The following PTPN11 variants were observed in gnomAD, a reference collection of about 807,000 sequenced individuals.
PTPN11 encodes tyrosine-protein phosphatase non-receptor type 11.
Under a neutral mutation model 78.8 loss-of-function variants are expected in PTPN11, and 6 were observed. The ratio of observed to expected loss-of-function variants is 0.08; its 90% CI spans 0.04 to 0.15. The LOEUF (loss-of-function observed/expected upper bound fraction) is 0.15. Ranked by LOEUF, PTPN11 falls within the 10% of genes least tolerant of loss-of-function variation. The pLI is 1.00. For synonymous variants in PTPN11, 221 were observed against 263.5 expected (o/e 0.84, Z 1.56); for missense variants, 386 against 744.8 (o/e 0.52, Z 5.61).
chr12:112,449,800 T>C (rs1319030537), intron 2 of PTPN11, among the ~76,000 whole-genome samples: 1 of 152,120 alleles, frequency 6.6e-6, no homozygotes, highest in African/African-American at 2.4e-5. Context: ...GCGTGGTGGC[T>C]CACGCCTGTA....
Position 112,453,339 on chromosome 12 carries a change from G to C in PTPN11, c.477G>C (p.Glu159Asp), listed in dbSNP as rs769848611. 6.2e-7 allele frequency: 1 copy of C among 1,614,116 alleles called. No individual in the cohort carries two copies. Among genetic ancestry groups the C allele is most frequent in the Non-Finnish European group, 8.5e-7 (1 of 1,180,024 alleles). Residue 159 changes from glutamate to aspartate, a missense_variant, in exon 4 of 16, where the codon GAG becomes GAC. Glu to Asp is a conservative substitution (Grantham distance 45). Coordinates refer to ENST00000351677, the MANE Select transcript of PTPN11 (RefSeq NM_002834.5). Reference protein sequence around the residue: ...LSVRTGDDKGESNDGKSKVTH... With the variant: ...LSVRTGDDKGDSNDGKSKVTH... ...TGCGCACTGGTGATGACAAAGGGGA[G>C]AGCAATGACGGCAAGTCTAAAGTGA...
chr12:112,441,067 C>A (rs767804013), intron 1 of PTPN11, among the ~76,000 whole-genome samples: 4 of 147,002 alleles, frequency 2.7e-5, no homozygotes, highest in Admixed American at 6.9e-5. Flanking sequence ...CGGGTTCAAG[C>A]GATTCTTCTG....
At chr12:112,428,276 T>C (rs967777122) in intron 1 of PTPN11, among the ~76,000 whole-genome samples, 4 of 152,188 alleles carry the variant, frequency 2.6e-5, no homozygotes, top group African/African-American at 9.6e-5. Flanking sequence ...CTTCCCCTCC[T>C]TCCAGGTTAT....
In PTPN11 at chr12:112,492,666, C is replaced by T. The variant is rs545028053; in HGVS notation, c.1599+3491C>T. Among the ~76,000 whole-genome samples, 93 of 152,014 alleles carry T rather than the reference C, an allele frequency of 6.1e-4. 1 individual carries two copies. The highest frequency in any genetic ancestry group is 6.9e-3 in the Middle Eastern group (2 of 290). On this transcript the variant is annotated intron_variant, in intron 13 of 15. Transcript: ENST00000351677. ...CCAAGTAGTTGGGACTACAGGCGCC[C>T]GCCATCACACCTGGCTAATTTTTTG...
intron 10 of PTPN11, among the ~76,000 whole-genome samples, chr12:112,483,625 G>A (rs1005717694): frequency 1.3e-5 from 2 of 152,226 alleles, no homozygotes; most frequent in South Asian, 2.1e-4. Flanking sequence ...CCTCCACCCT[G>A]TAGAGACTGG....
chr12:112,483,695 TA>T (rs2038631988), intron 10 of PTPN11, among the ~76,000 whole-genome samples: 1 of 151,574 alleles, frequency 6.6e-6, no homozygotes, highest in Admixed American at 6.6e-5. Flanking sequence ...GCCGTCAGAG[TA>T]AAAAATAATA....
intron 9 of PTPN11, among the ~76,000 whole-genome samples, chr12:112,478,809 C>T (rs978082579): frequency 3.0e-4 from 46 of 152,314 alleles, no homozygotes; most frequent in African/African-American, 1.0e-3. Context: ...TCTCAGCTCA[C>T]TGCAGCCTCT....
Position 112,482,164 on chromosome 12 carries a change from G to T in PTPN11, c.1183G>T (p.Asp395Tyr). ...VRNVKESAAH[D>Y]YTLRELKLSK... The stretch of plus-strand genomic sequence containing the variant: ...GAACGTCAAAGAAAGCGCCGCTCAT[G>T]ACTATACGCTAAGAGAACTTAAACT... The change falls in exon 10 of 16, where the codon GAC becomes TAC. Residue 395 changes from aspartate to tyrosine, a missense_variant. Physicochemically the swap from Asp to Tyr is radical, Grantham distance 160. Coordinates refer to ENST00000351677, the MANE Select transcript of PTPN11 (RefSeq NM_002834.5). This position sits in a 1 kb window ranked among gnomAD's most constrained non-coding sequence, Gnocchi z 4.4. The T allele has an allele frequency of 6.2e-7, 1 of 1,613,772 alleles. No individual in the cohort carries two copies. Among genetic ancestry groups the T allele is most frequent in the Non-Finnish European group, 8.5e-7 (1 of 1,179,724 alleles).
chr12:112,420,016 T>C (rs1193198500), intron 1 of PTPN11, among the ~76,000 whole-genome samples: 7 of 152,232 alleles, frequency 4.6e-5, no homozygotes, highest in Admixed American at 2.6e-4. Context: ...TAAAGATGAG[T>C]AAACCGAGTT....
intron 11 of PTPN11, chr12:112,486,902 G>T (rs41279092): frequency 1.4e-6 from 2 of 1,393,788 alleles, no homozygotes; most frequent in African/African-American, 2.9e-5. Flanking sequence ...CAGAAGTTGT[G>T]CATTAAACAA....
intron 1 of PTPN11, among the ~76,000 whole-genome samples, chr12:112,419,832 A>G (rs1031076783): frequency 6.6e-6 from 1 of 152,172 alleles, no homozygotes; most frequent in Admixed American, 6.5e-5. Flanking sequence ...CGTTTTATGG[A>G]TGAGGAAACC....
chr12:112,459,048 T>G (rs1199355897), intron 6 of PTPN11, among the ~76,000 whole-genome samples: 3 of 151,884 alleles, frequency 2.0e-5, no homozygotes, highest in African/African-American at 2.4e-5. Context: ...AAAAAAAAAT[T>G]GATGATAAAC....
In PTPN11 at chr12:112,490,409, C is replaced by T. The variant is rs1007020168; in HGVS notation, c.1599+1234C>T. Among the ~76,000 whole-genome samples the T allele has an allele frequency of 3.3e-5, 5 of 150,474 alleles. No homozygotes were observed. The South Asian group carries it at 8.4e-4, about 25-fold the overall frequency. On this transcript the variant is annotated intron_variant, in intron 13 of 15. Coordinates refer to ENST00000351677, the MANE Select transcript of PTPN11 (RefSeq NM_002834.5). ...GCAGCCTCAATCTCCCAGGCTTAAGCGATCCTCCCACCTCAGCCTCCCAAG... is the reference window on the plus strand; with the variant it reads ...GCAGCCTCAATCTCCCAGGCTTAAGTGATCCTCCCACCTCAGCCTCCCAAG...
Position 112,471,446 on chromosome 12 carries a change from TAAAC to T in PTPN11, c.757-1496_757-1493del, listed in dbSNP as rs1403998600. On this transcript the variant is annotated intron_variant, in intron 6 of 15. Transcript: ENST00000351677. The stretch of plus-strand genomic sequence containing the variant: ...GGAGTGCCGTGGCTCCATCATATGA[TAAAC>T]AGAAAGAGAGAGAGAGAGAGAGAGA... 4.1e-5 allele frequency among the ~76,000 whole-genome samples: 5 copies of T among 121,464 alleles called. No individual in the cohort carries two copies. In the East Asian group the frequency reaches 8.5e-4, roughly 21 times the overall value. 79.7% of individuals were successfully genotyped at this position (121,464 alleles called of 152,430 possible). A position where few individuals can be genotyped will look rare whatever the true frequency, so the allele number is the denominator to read the frequency against.
intron 1 of PTPN11, among the ~76,000 whole-genome samples, chr12:112,424,564 T>C (rs1004102209): frequency 6.6e-5 from 10 of 152,154 alleles, no homozygotes; most frequent in African/African-American, 2.2e-4. Context: ...TTGTGGAAAG[T>C]CTTTTTTGGA....
rs1485809548 is a variant in PTPN11, at chr12:112,477,686, C to G, written c.889C>G (p.Pro297Ala). Residue 297 changes from proline (P) to alanine (A), a missense_variant, in exon 8 of 16, where the codon CCC becomes GCC. Physicochemically the swap from Pro to Ala is conservative, Grantham distance 27 (BLOSUM62 -1). Around this residue, in one of 3 missense-constraint regions of PTPN11, gnomAD observed 279 missense variants for 503.3 expected, o/e 0.55. Coordinates refer to ENST00000351677, the MANE Select transcript of PTPN11 (RefSeq NM_002834.5). The part of the protein sequence containing the change: ...HTRVVLHDGD[P>A]NEPVSDYINA... ...CAGGGTTGTCCTACACGATGGTGAT[C>G]CCAATGAGCCTGTTTCAGATTACAT... 1.9e-6 allele frequency: 3 copies of G among 1,613,386 alleles called. No individual in the cohort carries two copies. Among genetic ancestry groups the G allele is most frequent in the Non-Finnish European group, 2.5e-6 (3 of 1,179,572 alleles).
intron 10 of PTPN11, among the ~76,000 whole-genome samples, chr12:112,484,816 G>A (rs2038648881): frequency 1.3e-5 from 2 of 152,156 alleles, no homozygotes; most frequent in African/African-American, 4.8e-5. Context: ...TAGCTCAGGA[G>A]TTCTGGGCTG....
At chr12:112,448,094 G>A (rs1219128836) in intron 2 of PTPN11, among the ~76,000 whole-genome samples, 1 of 152,046 alleles carries the variant, frequency 6.6e-6, no homozygotes, top group African/African-American at 2.4e-5. Context: ...GAGCTATCGC[G>A]CCTGGCCTGA....
chr12:112,419,148 G>C, intron 1 of PTPN11, 23 bp downstream of exon 1: 1 of 1,503,908 alleles, frequency 6.6e-7, no homozygotes, highest in Non-Finnish European at 8.9e-7. Flanking sequence ...GAGGGGCCCG[G>C]CGCGGGCCTC....
Sources: allele counts gnomAD v4.1 joint callset (sites outside exome capture counted in the v4.1 genomes callset), GRCh38; gene constraint gnomAD v4.1.1; regional missense constraint gnomAD v4.1.1; non-coding constraint Gnocchi (gnomAD v3.1); transcripts MANE v1.5; gene names NCBI Gene and HGNC (gene_info 2026-07-23, HGNC 2026-07-21).